Variants in MRE11 observed in about 807,000 individuals in gnomAD.
The protein encoded by MRE11 is double-strand break repair protein MRE11.
MRE11 carries 62 observed loss-of-function variants against 91.7 expected under a neutral mutation model. The observed-to-expected ratio is 0.68, with a 90% CI of 0.55 to 0.84. The LOEUF (loss-of-function observed/expected upper bound fraction) is 0.84. Among genes scored for constraint, MRE11 ranks in the 40% least tolerant of loss-of-function variants. The probability of loss-of-function intolerance (pLI) is 0.00; values close to 1 mark genes in which losing one functional copy is unlikely to be tolerated. For synonymous variants in MRE11, 273 were observed against 271.4 expected (o/e 1.01, Z -0.06); for missense variants, 796 against 852.9 (o/e 0.93, Z 0.83).
In MRE11 at chr11:94,418,010, T is replaced by C. The variant is rs779256380; in HGVS notation, c.*2115A>G. ...GTCTTCCTCTGAATGTTTTCATTCC[T>C]GCTCTCCCAAAGCCTCCAAGAGCAA... On this transcript the variant is annotated 3_prime_UTR_variant, in exon 20 of 20. Transcript: ENST00000323929. The C allele has an allele frequency of 7.3e-5, 17 of 233,120 alleles. No homozygotes were observed. The highest frequency in any genetic ancestry group is 1.3e-4 in the Non-Finnish European group (15 of 117,976). 14.4% of individuals were successfully genotyped at this position (233,120 alleles called of 1,614,324 possible). A position where few individuals can be genotyped will look rare whatever the true frequency, so the allele number is the denominator to read the frequency against.
chr11:94,487,255 G>A (rs1947165085), intron 3 of MRE11, among the ~76,000 whole-genome samples: 1 of 152,098 alleles, frequency 6.6e-6, no homozygotes. Flanking sequence ...GAAATTTTAT[G>A]TTATGTATTT....
intron 14 of MRE11, among the ~76,000 whole-genome samples, chr11:94,450,422 G>A (rs1447380791): frequency 6.6e-6 from 1 of 152,154 alleles, no homozygotes; most frequent in African/African-American, 2.4e-5. Flanking sequence ...ATTGATAAAT[G>A]TTGAATTCTA....
rs188343527 is a variant in MRE11 at position 94,471,987 on chromosome 11, A to G, written c.660-228T>C. ...GACAAGTGGAAACCCGAAAAGAGAA[A>G]GCAGTCAATTCTATATTTGGAGGAA... On this transcript the variant is annotated intron_variant, in intron 7 of 19. Transcript: ENST00000323929. Among the ~76,000 whole-genome samples the G allele has an allele frequency of 1.1e-4, 16 of 152,176 alleles. 1 individual carries two copies. The East Asian group carries it at 3.1e-3, about 29-fold the overall frequency.
At chr11:94,456,403 G>C in intron 13 of MRE11, 65 bp from the exon 14 acceptor site, 1 of 1,239,778 alleles carries the variant, frequency 8.1e-7, no homozygotes. Context: ...ATAAAACAAG[G>C]GGCTACAATT....
In MRE11 at chr11:94,470,593, T is replaced by A. The variant is rs587782169; in HGVS notation, c.895A>T (p.Ile299Phe). ...IKGRKMNMHKIPLHTVRQFFM... is the reference protein window; with the variant it reads ...IKGRKMNMHKFPLHTVRQFFM... ...AACTGCCGCACTGTGTGAAGAGGAATTTTATGCATATTCATCTTCCTCCCT... is the reference window on the plus strand; with the variant it reads ...AACTGCCGCACTGTGTGAAGAGGAAATTTATGCATATTCATCTTCCTCCCT... The change falls in exon 9 of 20, where the codon ATT (isoleucine) becomes TTT (phenylalanine). Residue 299 changes from isoleucine (I) to phenylalanine (F), a missense_variant. Physicochemically the swap from Ile to Phe is conservative, Grantham distance 21. Coordinates refer to ENST00000323929, the MANE Select transcript of MRE11 (RefSeq NM_005591.4). The A allele has an allele frequency of 6.2e-7, 1 of 1,613,164 alleles. No individual in the cohort carries two copies. Among genetic ancestry groups the A allele is most frequent in the Non-Finnish European group, 8.5e-7 (1 of 1,179,422 alleles).
At chr11:94,432,450 T>A (rs188797753) in intron 18 of MRE11, among the ~76,000 whole-genome samples, 169 of 152,306 alleles carry the variant, frequency 1.1e-3, no homozygotes, top group Middle Eastern at 6.8e-3. Flanking sequence ...GGTGATCCTA[T>A]CCATCCCAAT....
At chr11:94,473,996 G>T (rs914206327) in intron 7 of MRE11, among the ~76,000 whole-genome samples, 14 of 152,082 alleles carry the variant, frequency 9.2e-5, no homozygotes, top group African/African-American at 3.4e-4. Flanking sequence ...CTTATCATTG[G>T]TTTTTTAAGC....
chr11:94,418,562 G>C lies in MRE11; in HGVS notation c.*1563C>G, dbSNP rs1048493784. ...AGCCAGCATGGCTTGTGCAGGGGTA[G>C]GTAGCACAGCATCATCCAGACACTG... On this transcript the variant is annotated 3_prime_UTR_variant, in exon 20 of 20. Coordinates refer to ENST00000323929, the MANE Select transcript of MRE11 (RefSeq NM_005591.4). 4 of 232,652 alleles carry C rather than the reference G, an allele frequency of 1.7e-5. No individual in the cohort carries two copies. Among genetic ancestry groups the C allele is most frequent in the African/African-American group, 8.8e-5 (4 of 45,308 alleles). 14.4% of individuals were successfully genotyped at this position (232,652 alleles called of 1,614,324 possible).
At chr11:94,512,385 G>T in the MRE11 span, 6 of 800,430 alleles carry the variant, frequency 7.5e-6, no homozygotes, top group Admixed American at 4.3e-5. Flanking sequence ...TTGGTGCGCG[G>T]AATACCTAGG....
intron 16 of MRE11, among the ~76,000 whole-genome samples, chr11:94,440,457 A>G (rs520735): frequency 6.6e-6 from 1 of 152,122 alleles, no homozygotes; most frequent in South Asian, 2.1e-4. Flanking sequence ...TCTCAATGGC[A>G]TTGAAGAGCT....
intron 19 of MRE11, among the ~76,000 whole-genome samples, chr11:94,420,662 T>C (rs1945146029): frequency 6.6e-6 from 1 of 152,210 alleles, no homozygotes; most frequent in African/African-American, 2.4e-5. Flanking sequence ...CTCACACTTA[T>C]GCAAAAAACA....
intron 11 of MRE11, among the ~76,000 whole-genome samples, chr11:94,461,989 G>A (rs537269441): frequency 1.3e-5 from 2 of 152,206 alleles, no homozygotes; most frequent in Admixed American, 6.5e-5. Flanking sequence ...GCAGGAGAAT[G>A]GCGTGAACCT....
chr11:94,425,339 C>A (rs926198025), intron 19 of MRE11, among the ~76,000 whole-genome samples: 2 of 152,064 alleles, frequency 1.3e-5, no homozygotes, highest in African/African-American at 4.8e-5. Context: ...TACAAGAGGT[C>A]CTTAATAGAG....
chr11:94,477,116 A>C (rs532523116), intron 6 of MRE11, among the ~76,000 whole-genome samples: 1 of 152,302 alleles, frequency 6.6e-6, no homozygotes, highest in Admixed American at 6.5e-5. Context: ...GTAGAATAAA[A>C]ATGTGAGTTT....
At chr11:94,455,768 A>C (rs1218777511) in intron 14 of MRE11, among the ~76,000 whole-genome samples, 1 of 152,242 alleles carries the variant, frequency 6.6e-6, no homozygotes, top group African/African-American at 2.4e-5. Context: ...GCCCAAAATA[A>C]TATCAGCTCA....
intron 14 of MRE11, among the ~76,000 whole-genome samples, chr11:94,455,743 TTAA>T (rs1185038199): frequency 1.6e-4 from 25 of 152,128 alleles, no homozygotes; most frequent in Non-Finnish European, 3.4e-4. Flanking sequence ...CCAAAACACT[TTAA>T]GTTTCTTTTT....
intron 13 of MRE11, among the ~76,000 whole-genome samples, chr11:94,457,384 G>A (rs1051116124): frequency 4.6e-5 from 7 of 152,186 alleles, no homozygotes; most frequent in African/African-American, 7.2e-5. Flanking sequence ...TCTTTGAAGC[G>A]ATTCTGCTCT....
At position 94,455,283 on chromosome 11, in the gene MRE11, T is replaced by C. The variant is rs13447692; in HGVS notation, c.1563+993A>G. 1.6e-3 allele frequency among the ~76,000 whole-genome samples: 241 copies of C among 152,180 alleles called. 1 individual carries two copies. Among genetic ancestry groups the C allele is most frequent in the African/African-American group, 5.6e-3 (234 of 41,524 alleles). ...TTATAAAATGGGCACCTAGGAAAAA[T>C]AATTCAATAAATATCTTCCTTACAC... is the stretch of plus-strand genomic sequence containing the variant. On this transcript the variant is annotated intron_variant, in intron 14 of 19. Transcript: ENST00000323929.
the MRE11 span, among the ~76,000 whole-genome samples, chr11:94,507,722 A>T: frequency 6.6e-6 from 1 of 152,076 alleles, no homozygotes; most frequent in East Asian, 1.9e-4. Context: ...TAATTTGCAT[A>T]TTCCTGGTGA....
Sources: allele counts gnomAD v4.1 joint callset (sites outside exome capture counted in the v4.1 genomes callset), GRCh38; gene constraint gnomAD v4.1.1; transcripts MANE v1.5; gene names NCBI Gene and HGNC (gene_info 2026-07-23, HGNC 2026-07-21).